SLC44A1: variants seen among roughly 807,000 people sequenced by gnomAD.
SLC44A1 encodes the protein solute carrier family 44 member 1.
SLC44A1 carries 26 observed loss-of-function variants against 79.3 expected under a neutral mutation model. The ratio of observed to expected loss-of-function variants is 0.33; its 90% confidence interval spans 0.24 to 0.46. The LOEUF (loss-of-function observed/expected upper bound fraction) is 0.46, where lower values mean the gene tolerates loss of function less well. SLC44A1 is among the 20% of genes least tolerant of loss of function. The pLI, the probability that SLC44A1 is intolerant of heterozygous loss-of-function variation, is 1.00. For synonymous variants in SLC44A1, 263 were observed against 286.2 expected, an observed-to-expected ratio of 0.92 and a Z score of 0.82; for missense variants, 688 against 798.1, an observed-to-expected ratio of 0.86 and a Z score of 1.66.
chr9:105,433,931 T>C (rs1302434299), intron 15 of SLC44A1, among the ~76,000 whole-genome samples: 3 of 152,006 alleles, frequency 2.0e-5, no homozygotes, highest in South Asian at 4.1e-4. Flanking sequence ...AAGACAGACA[T>C]CAAAACAAAG....
chr9:105,327,367 C>T (rs1480630943), intron 3 of SLC44A1, among the ~76,000 whole-genome samples: 1 of 152,188 alleles, frequency 6.6e-6, no homozygotes, highest in African/African-American at 2.4e-5. Flanking sequence ...ACTGCAACCT[C>T]CACTTCCCAG....
intron 3 of SLC44A1, among the ~76,000 whole-genome samples, chr9:105,310,462 TA>T (rs2131310499): frequency 6.6e-6 from 1 of 152,286 alleles, no homozygotes; most frequent in South Asian, 2.1e-4. Context: ...GTAGGGAAAA[TA>T]GATTTCATCT....
intron 1 of SLC44A1, among the ~76,000 whole-genome samples, chr9:105,279,596 G>T (rs991731656): frequency 6.6e-6 from 1 of 152,108 alleles, no homozygotes; most frequent in Non-Finnish European, 1.5e-5. Context: ...GATTACAGGC[G>T]TGAGCCACTG....
At chr9:105,356,805 AT>A (rs1038524637) in intron 6 of SLC44A1, among the ~76,000 whole-genome samples, 2 of 151,518 alleles carry the variant, frequency 1.3e-5, no homozygotes, top group East Asian at 1.9e-4. Context: ...GAAGTATGTA[AT>A]TTTTTTTTCA....
Position 105,358,382 on chromosome 9 carries a change from T to A in SLC44A1, c.709T>A (p.Ser237Thr), listed in dbSNP as rs945705326. 3 of 1,597,984 alleles carry A rather than the reference T, an allele frequency of 1.9e-6. No individual in the cohort carries two copies. Among genetic ancestry groups the A allele is most frequent in the African/African-American group, 2.7e-5 (2 of 74,616 alleles). ...MILMVIIRYI[S>T]RVLVWILTIL... ...TTTGATGGTGATAATCAGGTATATA[T>A]CAAGAGTACTTGTGTGGATCTTAAC... Residue 237 changes from serine (S) to threonine (T), a missense_variant, in exon 7 of 16, where the codon TCA becomes ACA. Transcript: ENST00000374720.
At chr9:105,288,272 G>A (rs327977) in intron 1 of SLC44A1, among the ~76,000 whole-genome samples, 21,234 of 149,812 alleles carry the variant, frequency 0.14, 1,956 homozygotes, top group African/African-American at 0.27. Context: ...TTCTATTATT[G>A]GATAGTTAAT....
chr9:105,384,443 A>G (rs895623247), intron 14 of SLC44A1, among the ~76,000 whole-genome samples: 2 of 152,056 alleles, frequency 1.3e-5, no homozygotes, highest in South Asian at 4.1e-4. Flanking sequence ...GGCCTTCCAA[A>G]ATGCTGGGAT....
chr9:105,421,647 G>A (rs1292322915), intron 15 of SLC44A1, among the ~76,000 whole-genome samples: 1 of 150,912 alleles, frequency 6.6e-6, no homozygotes, highest in Admixed American at 6.6e-5. Flanking sequence ...GAGTGCAGTG[G>A]CGCGATCTCG....
At chr9:105,287,013 C>T (rs566623920) in intron 1 of SLC44A1, among the ~76,000 whole-genome samples, 5 of 152,072 alleles carry the variant, frequency 3.3e-5, no homozygotes, top group Middle Eastern at 3.4e-3. Context: ...AAGGGTAGAA[C>T]CCAGAGACAA....
At position 105,393,588 on chromosome 9, in the gene SLC44A1, G is replaced by T. The variant is rs1828813708; in HGVS notation, c.*4532G>T. 1.1e-6 allele frequency: 1 copy of T among 949,096 alleles called. No individual in the cohort carries two copies. The highest frequency in any genetic ancestry group is 1.8e-5 in the African/African-American group (1 of 56,444). The allele number at this position is 949,096 out of a possible 1,614,324, so 58.8% of individuals were successfully genotyped here. On this transcript the variant is annotated 3_prime_UTR_variant, in exon 16 of 16. Coordinates refer to ENST00000374720, the MANE Select transcript of SLC44A1 (RefSeq NM_080546.5). The stretch of plus-strand genomic sequence containing the variant: ...CTTTAATGCAGTTTTTAAACTTACT[G>T]ATTTCTGTGGAAAACCTTTCTTTTC...
At chr9:105,293,194 A>G (rs550084666) in intron 1 of SLC44A1, among the ~76,000 whole-genome samples, 4 of 152,212 alleles carry the variant, frequency 2.6e-5, no homozygotes, top group Non-Finnish European at 5.9e-5. Flanking sequence ...AAGCAGCTTC[A>G]TATAATTGAC....
At chr9:105,356,571 A>T (rs1827630348) in intron 6 of SLC44A1, among the ~76,000 whole-genome samples, 190 bp downstream of exon 6, 1 of 152,144 alleles carries the variant, frequency 6.6e-6, no homozygotes, top group Admixed American at 6.5e-5. Context: ...TCTGAAACTC[A>T]TTCCCTTCTT....
chr9:105,411,280 C>T (rs1327944641), intron 15 of SLC44A1, among the ~76,000 whole-genome samples: 1 of 152,118 alleles, frequency 6.6e-6, no homozygotes, highest in East Asian at 1.9e-4. Context: ...CATCTACATT[C>T]CCTAAATGTT....
chr9:105,245,643 A>G (rs572903970), intron 1 of SLC44A1, among the ~76,000 whole-genome samples: 35 of 152,300 alleles, frequency 2.3e-4, no homozygotes, highest in Non-Finnish European at 1.5e-5. Flanking sequence ...GCGCTACGGA[A>G]ACTCCCTCTT....
At chr9:105,334,890 A>G (rs1826863892) in intron 3 of SLC44A1, among the ~76,000 whole-genome samples, 1 of 152,320 alleles carries the variant, frequency 6.6e-6, no homozygotes, top group African/African-American at 2.4e-5. Context: ...ACTATTAATA[A>G]ACAATATTTA....
chr9:105,394,760 G>A lies in SLC44A1; in HGVS notation c.*5704G>A. On this transcript the variant is annotated 3_prime_UTR_variant, in exon 16 of 16. Transcript: ENST00000374720. ...TGGCAAAAAATAAATTTGGTAGAAA[G>A]TTGGAGGAGCAGATGCTGAAGGTAG... 6 of 985,434 alleles carry A rather than the reference G, an allele frequency of 6.1e-6. No individual in the cohort carries two copies. Among genetic ancestry groups the A allele is most frequent in the Non-Finnish European group, 7.2e-6 (6 of 829,938 alleles). The allele number at this position is 985,434 out of a possible 1,614,324, so 61.0% of individuals were successfully genotyped here.
chr9:105,356,728 T>C (rs1398645799), intron 6 of SLC44A1, among the ~76,000 whole-genome samples: 2 of 152,270 alleles, frequency 1.3e-5, no homozygotes, highest in East Asian at 3.9e-4. Flanking sequence ...TATTTACTTA[T>C]ACAGGAGGCG....
chr9:105,300,778 A>T (rs998234456), intron 2 of SLC44A1, among the ~76,000 whole-genome samples: 8 of 144,580 alleles, frequency 5.5e-5, no homozygotes, highest in Non-Finnish European at 1.2e-4. Flanking sequence ...GAGAAAAAAA[A>T]TTTTTTTTTT....
chr9:105,343,823 C>T (rs1445105435), intron 4 of SLC44A1, among the ~76,000 whole-genome samples: 1 of 152,170 alleles, frequency 6.6e-6, no homozygotes, highest in East Asian at 1.9e-4. Context: ...CTCCACAACA[C>T]CTAGTAGAAG....
Sources: gnomAD v4.1 joint callset for allele counts (sites outside exome capture counted in the v4.1 genomes callset) on GRCh38, gnomAD v4.1.1 for gene constraint, MANE v1.5 for transcripts, NCBI Gene and HGNC (gene_info 2026-07-23, HGNC 2026-07-21) for gene names.